Variants in TBX5 observed in about 807,000 individuals in gnomAD.
TBX5 encodes T-box transcription factor TBX5.
Under a neutral mutation model 51.1 loss-of-function variants are expected in TBX5, and 8 were observed. The observed-to-expected ratio is 0.16, with a 90% CI of 0.09 to 0.28. The LOEUF is 0.28. TBX5 is among the 10% of genes least tolerant of loss of function. The pLI, the probability that TBX5 is intolerant of heterozygous loss-of-function variation, is 1.00. For synonymous variants in TBX5, 302 were observed against 266.4 expected (o/e 1.13, Z -1.30); for missense variants, 589 against 671.7 (o/e 0.88, Z 1.36).
rs1389561656 is a variant in TBX5 at position 114,355,470 on chromosome 12, C to T, written c.*62G>A. Reference sequence around the variant, plus strand: ...TCTTGGCTACTGTCTCTCTCCTTCTCTCTCTTTCTCCTCTCTCTCTCTCTT... The same window carrying T: ...TCTTGGCTACTGTCTCTCTCCTTCTTTCTCTTTCTCCTCTCTCTCTCTCTT... On this transcript the variant is annotated 3_prime_UTR_variant, in exon 9 of 9. Coordinates refer to ENST00000405440, the MANE Select transcript of TBX5 (RefSeq NM_181486.4). 39 of 1,589,340 alleles carry T rather than the reference C, an allele frequency of 2.5e-5. No homozygotes were observed. The highest frequency in any genetic ancestry group is 3.4e-5 in the Non-Finnish European group (39 of 1,163,544).
chr12:114,400,907 C>G (rs961280130), intron 3 of TBX5, among the ~76,000 whole-genome samples: 4 of 152,214 alleles, frequency 2.6e-5, no homozygotes, highest in African/African-American at 9.6e-5. Flanking sequence ...GGGCGGGGGG[C>G]GTCTGGAAAG....
At chr12:114,389,143 C>T (rs1162586493) in intron 6 of TBX5, among the ~76,000 whole-genome samples, 2 of 151,584 alleles carry the variant, frequency 1.3e-5, no homozygotes, top group South Asian at 2.1e-4. Flanking sequence ...GGCCAGGCTG[C>T]TCTTGAACTC....
At position 114,405,666 on chromosome 12, in the gene TBX5, C is replaced by T; in HGVS notation, c.-77G>A. ...GCCGGTGCATTCACCACATCCTCTG[C>T]TGCTCCTAGCAGGGAAGCCGGCGGT... On this transcript the variant is annotated 5_prime_UTR_variant, in exon 1 of 9. Coordinates refer to ENST00000405440, the MANE Select transcript of TBX5 (RefSeq NM_181486.4). 1 of 979,990 alleles carries T rather than the reference C, an allele frequency of 1.0e-6. No individual in the cohort carries two copies. Among genetic ancestry groups the T allele is most frequent in the East Asian group, 1.1e-4 (1 of 8,790 alleles). 60.7% of individuals were successfully genotyped at this position (979,990 alleles called of 1,614,324 possible).
intron 8 of TBX5, among the ~76,000 whole-genome samples, chr12:114,364,315 A>T (rs1240328051): frequency 6.6e-6 from 1 of 152,222 alleles, no homozygotes; most frequent in Non-Finnish European, 1.5e-5. Context: ...TCAACAGGCC[A>T]CTTTGTAGAT....
chr12:114,354,470 T>C lies in TBX5; in HGVS notation c.*1062A>G, dbSNP rs1007552123. 3.3e-5 allele frequency: 5 copies of C among 152,204 alleles called. No individual in the cohort carries two copies. Among genetic ancestry groups the C allele is most frequent in the African/African-American group, 9.7e-5 (4 of 41,448 alleles). 9.4% of individuals were successfully genotyped at this position (152,204 alleles called of 1,614,324 possible). A position where few individuals can be genotyped will look rare whatever the true frequency, so the allele number is the denominator to read the frequency against. ...GCGTGGTTTCTTTGGCGAGATATCA[T>C]TGGTGACTGTGTCTTGCCTCTTCTG... On this transcript the variant is annotated 3_prime_UTR_variant, in exon 9 of 9. Transcript: ENST00000405440.
intron 8 of TBX5, among the ~76,000 whole-genome samples, chr12:114,362,033 A>G (rs1452986679): frequency 6.6e-6 from 1 of 152,068 alleles, no homozygotes; most frequent in Admixed American, 6.5e-5. Context: ...TAAGTTCCTC[A>G]GTGTTGGTTT....
At chr12:114,377,872 G>T (rs890780264) in intron 7 of TBX5, among the ~76,000 whole-genome samples, 1 of 152,128 alleles carries the variant, frequency 6.6e-6, no homozygotes, top group Non-Finnish European at 1.5e-5. Flanking sequence ...GGCGGGTGAG[G>T]TTGGTCAGTT....
At chr12:114,405,287 A>G (rs906399568) in intron 1 of TBX5, among the ~76,000 whole-genome samples, 2 of 152,112 alleles carry the variant, frequency 1.3e-5, no homozygotes, top group Admixed American at 1.3e-4. Flanking sequence ...AAAAGAAAGC[A>G]GGGCTGGCGC....
chr12:114,365,259 A>G (rs149008375), intron 8 of TBX5, among the ~76,000 whole-genome samples: 1 of 151,994 alleles, frequency 6.6e-6, no homozygotes, highest in East Asian at 1.9e-4. Flanking sequence ...ACTGACACAT[A>G]TGCCAGAGAA....
At chr12:114,394,598 T>C in intron 6 of TBX5, 143 bp downstream of exon 6, 1 of 1,104,278 alleles carries the variant, frequency 9.1e-7, no homozygotes, top group Non-Finnish European at 1.4e-6. Flanking sequence ...GGCTGCAGCT[T>C]TGTCCCCACC....
At chr12:114,367,864 ATAAT>A (rs1024381028) in intron 7 of TBX5, among the ~76,000 whole-genome samples, 1 of 152,198 alleles carries the variant, frequency 6.6e-6, no homozygotes, top group Non-Finnish European at 1.5e-5. Context: ...TATTTCAAAT[ATAAT>A]TGGCTTCTCT....
At chr12:114,402,065 GC>G in intron 2 of TBX5, 145 bp from the exon 3 acceptor site, 1 of 754,528 alleles carries the variant, frequency 1.3e-6, no homozygotes, top group South Asian at 1.5e-5. Context: ...TCAGCCCACT[GC>G]AGAATTATCT....
At position 114,399,385 on chromosome 12, in the gene TBX5, G is replaced by A. The variant is rs956331718; in HGVS notation, c.362+128C>T. The A allele has an allele frequency of 6.7e-6, 9 of 1,341,270 alleles. No homozygotes were observed. The African/African-American group carries it at 8.8e-5, about 13-fold the overall frequency. The allele number at this position is 1,341,270 out of a possible 1,614,324, so 83.1% of individuals were successfully genotyped here. On this transcript the variant is annotated intron_variant, in intron 4 of 8. Coordinates refer to ENST00000405440, the MANE Select transcript of TBX5 (RefSeq NM_181486.4). The stretch of plus-strand genomic sequence containing the variant: ...TTAGTAAAAAGCAATGGGATAGGCG[G>A]ACAGACGCCTTTAGCACACAGTAGG...
At chr12:114,374,312 C>T (rs1012169639) in intron 7 of TBX5, among the ~76,000 whole-genome samples, 30 of 152,058 alleles carry the variant, frequency 2.0e-4, no homozygotes, top group African/African-American at 6.8e-4. Context: ...TGGACAAAGA[C>T]GAGGAACTTC....
chr12:114,361,801 T>G (rs927737859), intron 8 of TBX5, among the ~76,000 whole-genome samples: 18 of 152,180 alleles, frequency 1.2e-4, no homozygotes, highest in African/African-American at 4.1e-4. Flanking sequence ...TGGAGGCTGA[T>G]GATGAATTGC....
Position 114,366,186 on chromosome 12 carries a change from A to G in TBX5, c.961T>C (p.Tyr321His), listed in dbSNP as rs1869522839. 6.2e-7 allele frequency: 1 copy of G among 1,614,196 alleles called. No homozygotes were observed. Among genetic ancestry groups the G allele is most frequent in the Non-Finnish European group, 8.5e-7 (1 of 1,180,034 alleles). Residue 321 changes from tyrosine to histidine, a missense_variant, in exon 8 of 9, where the codon TAC becomes CAC. Tyr to His is a moderately conservative substitution (Grantham distance 83, BLOSUM62 2). Transcript: ENST00000405440. ...YPLPQEHSQI[Y>H]HCTKRKEEEC... is the part of the protein sequence containing the mutation. Reference sequence around the variant, plus strand: ...TCACCTTTCCTCTTGGTACAATGGTAAATTTGGCTATGCTCCTGGGGCAGT... The same window carrying G: ...TCACCTTTCCTCTTGGTACAATGGTGAATTTGGCTATGCTCCTGGGGCAGT...
intron 6 of TBX5, among the ~76,000 whole-genome samples, chr12:114,386,025 A>G (rs564808941): frequency 6.6e-6 from 1 of 152,256 alleles, no homozygotes; most frequent in Admixed American, 6.5e-5. Flanking sequence ...TGTCTTGATT[A>G]TTGCATTCAA....
intron 6 of TBX5, among the ~76,000 whole-genome samples, chr12:114,390,861 G>A (rs1202670318): frequency 1.3e-5 from 2 of 152,184 alleles, no homozygotes; most frequent in African/African-American, 4.8e-5. Flanking sequence ...ACAAAAACGT[G>A]TTTCACAGAA....
At chr12:114,394,917 A>C (rs1368895643) in intron 5 of TBX5, 24 bp from the exon 6 acceptor site, 1 of 1,610,562 alleles carries the variant, frequency 6.2e-7, no homozygotes, top group Non-Finnish European at 8.5e-7. Context: ...AGAAAATGAG[A>C]TTGTAAGAAA....
Sources: allele counts gnomAD v4.1 joint callset (sites outside exome capture counted in the v4.1 genomes callset), GRCh38; gene constraint gnomAD v4.1.1; transcripts MANE v1.5; gene names NCBI Gene and HGNC (gene_info 2026-07-23, HGNC 2026-07-21).